The following PYHIN1 variants were observed in gnomAD, a reference collection of about 807,000 sequenced individuals.
The protein encoded by PYHIN1 is pyrin and HIN domain-containing protein 1.
A neutral mutation model predicts 43.7 loss-of-function variants in PYHIN1; 32 were observed. The ratio of observed to expected loss-of-function variants is 0.73; its 90% CI spans 0.55 to 0.98. PYHIN1 has a LOEUF of 0.98. PYHIN1 is among the 50% of genes least tolerant of loss of function. The pLI is 0.00. For missense variants in PYHIN1, 588 were observed against 589.5 expected (o/e 1.00, Z 0.03); for synonymous variants, 205 against 203.1 (o/e 1.01, Z -0.08).
chr1:158,960,411 A>G (rs1650253720), intron 7 of PYHIN1, among the ~76,000 whole-genome samples: 2 of 152,242 alleles, frequency 1.3e-5, no homozygotes, highest in African/African-American at 4.8e-5. Context: ...ACCCTTGCTA[A>G]AGCTGTACAG....
At chr1:158,952,089 G>A (rs945992177) in intron 7 of PYHIN1, among the ~76,000 whole-genome samples, 3 of 150,784 alleles carry the variant, frequency 2.0e-5, no homozygotes, top group African/African-American at 4.9e-5. Context: ...TTGCCTAGGC[G>A]CCGCTTTTGC....
In PYHIN1 at chr1:158,936,985, T is replaced by C. The variant is rs1215505347; in HGVS notation, c.75T>C (p.Val25=). Residue 25 remains valine (V), a synonymous_variant, in exon 2 of 9, where the codon GTT becomes GTC. Transcript: ENST00000368140. ...TCAATGATTATCATTTTAGAATTGT[T>C]AAGTCCTTACTGAGTAACGATTTAA... is the stretch of plus-strand genomic sequence containing the variant. ...EVINDYHFRI[V]KSLLSNDLKL... is the part of the protein sequence containing the mutation. 1.2e-6 allele frequency: 2 copies of C among 1,613,236 alleles called. No homozygotes were observed. The highest frequency in any genetic ancestry group is 1.7e-6 in the Non-Finnish European group (2 of 1,179,396).
At chr1:158,979,505 T>G (rs1281869150), downstream of PYHIN1, among the ~76,000 whole-genome samples, 2 of 151,972 alleles carry the variant, frequency 1.3e-5, no homozygotes, top group Non-Finnish European at 2.9e-5. Context: ...ATTGCAGAAT[T>G]TCCTTCATTA....
At chr1:158,953,871 T>C (rs1649750318) in intron 7 of PYHIN1, among the ~76,000 whole-genome samples, 1 of 147,636 alleles carries the variant, frequency 6.8e-6, no homozygotes, top group African/African-American at 2.5e-5. Flanking sequence ...TAGAAGAATG[T>C]ATAACTAGAA....
At chr1:158,984,033 T>TTTTTTG in the PYHIN1 span, among the ~76,000 whole-genome samples, 1 of 141,822 alleles carries the variant, frequency 7.1e-6, no homozygotes, top group African/African-American at 2.5e-5. Context: ...CTCCTGTTTT[T>TTTTTTG]TTTTTTTTTT....
At chr1:158,988,808 G>A in the PYHIN1 span, among the ~76,000 whole-genome samples, 3 of 152,140 alleles carry the variant, frequency 2.0e-5, no homozygotes, top group Non-Finnish European at 2.9e-5. Flanking sequence ...TTGAATACAA[G>A]CATTTGAAAA....
Position 158,938,464 on chromosome 1 carries a change from A to C in PYHIN1, c.333A>C (p.Glu111Asp), listed in dbSNP as rs1439933014. Residue 111 changes from glutamate to aspartate, a missense_variant, in exon 3 of 9, where the codon GAA (glutamate) becomes GAC (aspartate). Physicochemically the swap from Glu to Asp is conservative, Grantham distance 45. Transcript: ENST00000368140. ...CATCTAAAAAGACGAAACAGAAAGA[A>C]GTGTATCCTGCTACACCTGCATGCA... ...IIPSKKTKQKEVYPATPACTP... is the reference protein window; with the variant it reads ...IIPSKKTKQKDVYPATPACTP... 6.2e-7 allele frequency: 1 copy of C among 1,614,052 alleles called. No individual in the cohort carries two copies. The highest frequency in any genetic ancestry group is 1.3e-5 in the African/African-American group (1 of 74,942).
intron 7 of PYHIN1, among the ~76,000 whole-genome samples, chr1:158,957,039 A>T (rs1047429431): frequency 6.8e-6 from 1 of 147,786 alleles, no homozygotes. Context: ...TAGGAATCCA[A>T]CTTACAAGGG....
chr1:158,973,913 T>TA (rs1197240330), intron 8 of PYHIN1, 142 bp downstream of exon 8: 16 of 981,792 alleles, frequency 1.6e-5, no homozygotes, highest in Non-Finnish European at 2.3e-5. Flanking sequence ...TATCAATATA[T>TA]AATTGGACAT....
intron 7 of PYHIN1, among the ~76,000 whole-genome samples, chr1:158,952,865 G>A (rs1649643853): frequency 6.6e-6 from 1 of 152,218 alleles, no homozygotes; most frequent in African/African-American, 2.4e-5. Context: ...ACTAGGGAGT[G>A]CCAGACAGTG....
intron 7 of PYHIN1, among the ~76,000 whole-genome samples, chr1:158,961,192 C>T (rs1321902467): frequency 6.6e-6 from 1 of 152,068 alleles, no homozygotes; most frequent in Non-Finnish European, 1.5e-5. Flanking sequence ...CTACTCACAG[C>T]CTTATACATA....
Position 158,939,228 on chromosome 1 carries a change from C to T in PYHIN1, c.560C>T (p.Pro187Leu). The T allele has an allele frequency of 1.9e-6, 3 of 1,603,208 alleles. No individual in the cohort carries two copies. The highest frequency in any genetic ancestry group is 2.6e-6 in the Non-Finnish European group (3 of 1,176,094). ...PPPQTSSSAP[P>L]NTSSTESLKP... ...CCCCAGACCTCATCATCAGCTCCAC[C>T]CAACACTTCCTCAACTGAGGTACAC... is the stretch of plus-strand genomic sequence containing the variant. Residue 187 changes from proline to leucine, a missense_variant, in exon 4 of 9, where the codon CCC (proline) becomes CTC (leucine). Coordinates refer to ENST00000368140, the MANE Select transcript of PYHIN1 (RefSeq NM_152501.5).
At chr1:158,953,706 A>C (rs1048907007) in intron 7 of PYHIN1, among the ~76,000 whole-genome samples, 1 of 152,246 alleles carries the variant, frequency 6.6e-6, no homozygotes, top group South Asian at 2.1e-4. Flanking sequence ...CTCCTCCTCC[A>C]AAGAAACGCA....
intron 7 of PYHIN1, among the ~76,000 whole-genome samples, chr1:158,953,103 C>T (rs557131788): frequency 7.2e-5 from 11 of 152,326 alleles, no homozygotes; most frequent in East Asian, 1.9e-4. Flanking sequence ...GAGGGTCCTA[C>T]GCCCACGGGT....
chr1:158,962,809 C>T (rs529013112), intron 7 of PYHIN1, among the ~76,000 whole-genome samples: 1 of 152,192 alleles, frequency 6.6e-6, no homozygotes, highest in African/African-American at 2.4e-5. Context: ...CTGCCCCACC[C>T]ATGGCTAAGC....
intron 7 of PYHIN1, among the ~76,000 whole-genome samples, chr1:158,968,834 C>T (rs1010774901): frequency 1.3e-5 from 2 of 148,392 alleles, no homozygotes; most frequent in Non-Finnish European, 3.0e-5. Context: ...ATAAACAGAG[C>T]TAAACAATGA....
At chr1:158,986,851 C>A in the PYHIN1 span, among the ~76,000 whole-genome samples, 2 of 152,162 alleles carry the variant, frequency 1.3e-5, no homozygotes, top group African/African-American at 4.8e-5. Flanking sequence ...GCACTTTTAG[C>A]CAGCTCAGAT....
intron 7 of PYHIN1, among the ~76,000 whole-genome samples, chr1:158,963,137 T>G (rs1650423212): frequency 6.6e-6 from 1 of 151,924 alleles, no homozygotes; most frequent in Admixed American, 6.6e-5. Flanking sequence ...CTCTCTGAGG[T>G]GCAGCTCCCA....
intron 1 of PYHIN1, among the ~76,000 whole-genome samples, chr1:158,935,060 T>C (rs544534648): frequency 1.2e-4 from 18 of 152,278 alleles, no homozygotes; most frequent in Admixed American, 5.9e-4. Flanking sequence ...TGTGCTAAAG[T>C]GCACTGGTGC....
Sources: allele counts gnomAD v4.1 joint callset (sites outside exome capture counted in the v4.1 genomes callset), GRCh38; gene constraint gnomAD v4.1.1; transcripts MANE v1.5; gene names NCBI Gene and HGNC (gene_info 2026-07-23, HGNC 2026-07-21).